Variants in UBA6 observed in about 807,000 individuals in gnomAD.
UBA6 encodes the protein ubiquitin like modifier activating enzyme 6, also known as ubiquitin-like modifier-activating enzyme 6.
A neutral mutation model predicts 148.3 loss-of-function variants in UBA6; 87 were observed. The ratio of observed to expected loss-of-function variants is 0.59; its 90% CI spans 0.49 to 0.70. UBA6 has a LOEUF of 0.70. Ranked by LOEUF, UBA6 falls within the 30% of genes least tolerant of loss-of-function variation. UBA6 has a pLI of 0.00. For missense variants in UBA6, 1,186 were observed against 1,241.2 expected, an observed-to-expected ratio of 0.96 and a Z score of 0.67; for synonymous variants, 376 against 401.0, an observed-to-expected ratio of 0.94 and a Z score of 0.75.
intron 13 of UBA6, among the ~76,000 whole-genome samples, chr4:67,656,106 G>C (rs1729683548): frequency 6.6e-6 from 1 of 152,074 alleles, no homozygotes; most frequent in African/African-American, 2.4e-5. Flanking sequence ...TTCTACCAGA[G>C]GTACAAGGAG....
chr4:67,645,849 A>T, intron 16 of UBA6, 89 bp downstream of exon 16: 1 of 693,072 alleles, frequency 1.4e-6, no homozygotes, highest in Non-Finnish European at 2.4e-6. Flanking sequence ...CCTGTACTCT[A>T]CACACTTAGA....
chr4:67,646,119 C>G (rs1729416800), intron 15 of UBA6, 103 bp from the exon 16 acceptor site: 1 of 581,342 alleles, frequency 1.7e-6, no homozygotes, highest in African/African-American at 1.9e-5. Flanking sequence ...AGGAAATATT[C>G]TTTAAAAGTT....
chr4:67,674,551 G>T (rs1264549100), intron 6 of UBA6, among the ~76,000 whole-genome samples: 1 of 152,078 alleles, frequency 6.6e-6, no homozygotes, highest in African/African-American at 2.4e-5. Flanking sequence ...GGAAGAAAAT[G>T]CAATATATGC....
intron 28 of UBA6, among the ~76,000 whole-genome samples, chr4:67,625,831 G>A (rs1168473087): frequency 6.6e-6 from 1 of 151,812 alleles, no homozygotes; most frequent in Non-Finnish European, 1.5e-5. Flanking sequence ...TAAAAATTCA[G>A]TTTTCCTGTA....
intron 6 of UBA6, among the ~76,000 whole-genome samples, chr4:67,675,936 G>A (rs1730268367): frequency 6.6e-6 from 1 of 151,918 alleles, no homozygotes; most frequent in African/African-American, 2.4e-5. Flanking sequence ...TAACTTAGTT[G>A]AGGGTATATT....
Position 67,670,496 on chromosome 4 carries a change from C to T in UBA6, c.643G>A (p.Glu215Lys), listed in dbSNP as rs1730118110. 6.3e-7 allele frequency: 1 copy of T among 1,586,714 alleles called. No homozygotes were observed. The highest frequency in any genetic ancestry group is 8.6e-7 in the Non-Finnish European group (1 of 1,156,702). The change falls in exon 8 of 33, where the codon GAA (glutamate) becomes AAA (lysine). Residue 215 changes from glutamate (E) to lysine (K), a missense_variant. Physicochemically the swap from Glu to Lys is moderately conservative, Grantham distance 56 (BLOSUM62 1). Transcript: ENST00000322244. Reference sequence around the variant, plus strand: ...TGCGTTATGTTTGAAATGAAAATTTCTTTTGGTTCTTCTCCTGTTGTATCT... The same window carrying T: ...TGCGTTATGTTTGAAATGAAAATTTTTTTTGGTTCTTCTCCTGTTGTATCT... ...VLDTTGEEPKEIFISNITQAN... is the reference protein window; with the variant it reads ...VLDTTGEEPKKIFISNITQAN...
rs192924793 is a variant in UBA6, at chr4:67,683,335, A to G, written c.135-1122T>C. ...AGTGTCTTTTATCTTGTTTCTTTTG[A>G]ATGAAATTATTTATGAGATGGACTT... On this transcript the variant is annotated intron_variant, in intron 2 of 32. Coordinates refer to ENST00000322244, the MANE Select transcript of UBA6 (RefSeq NM_018227.6). Among the ~76,000 whole-genome samples the G allele has an allele frequency of 6.5e-3, 993 of 152,238 alleles. 5 individuals carry two copies. The highest frequency in any genetic ancestry group is 0.011 in the Non-Finnish European group (717 of 68,014).
chr4:67,662,436 C>T (rs1729883851), intron 12 of UBA6, 181 bp from the exon 13 acceptor site: 1 of 501,992 alleles, frequency 2.0e-6, no homozygotes, highest in South Asian at 3.8e-5. Flanking sequence ...TTCAAAATCA[C>T]ACTTATATCA....
intron 10 of UBA6, 71 bp downstream of exon 10, chr4:67,665,118 T>A: frequency 1.2e-6 from 1 of 814,266 alleles, no homozygotes; most frequent in Non-Finnish European, 1.9e-6. Flanking sequence ...GTTAACTGAG[T>A]AGTTATTTGT....
chr4:67,626,185 T>C (rs1228657516), intron 28 of UBA6, among the ~76,000 whole-genome samples, 175 bp downstream of exon 28: 2 of 151,982 alleles, frequency 1.3e-5, no homozygotes, highest in East Asian at 1.9e-4. Context: ...GTGGGGAAGA[T>C]GATGAATTTA....
At chr4:67,637,125 C>T (rs1307909926) in intron 19 of UBA6, among the ~76,000 whole-genome samples, 5 of 151,812 alleles carry the variant, frequency 3.3e-5, no homozygotes, top group South Asian at 2.1e-4. Flanking sequence ...GCAGCCACCC[C>T]GTCTGGGAAG....
chr4:67,642,239 C>T (rs1205210080), intron 17 of UBA6, among the ~76,000 whole-genome samples: 1 of 152,108 alleles, frequency 6.6e-6, no homozygotes, highest in Non-Finnish European at 1.5e-5. Flanking sequence ...CTGCCCCCAA[C>T]TCCCCAAACT....
chr4:67,674,889 C>T (rs1213740671), intron 6 of UBA6, among the ~76,000 whole-genome samples: 2 of 151,526 alleles, frequency 1.3e-5, no homozygotes, highest in Non-Finnish European at 2.9e-5. Flanking sequence ...TTTTGAGACA[C>T]AGTCTCACTC....
chr4:67,631,563 A>T (rs1481524640), intron 25 of UBA6, 145 bp downstream of exon 25: 1 of 609,286 alleles, frequency 1.6e-6, no homozygotes, highest in Non-Finnish European at 2.7e-6. Context: ...CTTGGTCAGA[A>T]TGACTTGTTA....
At chr4:67,642,490 A>G (rs1054791225) in intron 17 of UBA6, among the ~76,000 whole-genome samples, 14 of 152,076 alleles carry the variant, frequency 9.2e-5, no homozygotes, top group African/African-American at 3.4e-4. Context: ...AATGCTGACA[A>G]ATGCCTCTAT....
At chr4:67,624,077 T>C (rs2109894587) in intron 30 of UBA6, 49 bp downstream of exon 30, 1 of 1,427,530 alleles carries the variant, frequency 7.0e-7, no homozygotes, top group Non-Finnish European at 9.3e-7. Context: ...AAAGGTAAAA[T>C]ATTTTATTTC....
intron 23 of UBA6, 88 bp downstream of exon 23, chr4:67,633,256 TA>T: frequency 8.7e-7 from 1 of 1,155,678 alleles, no homozygotes; most frequent in Non-Finnish European, 1.2e-6. Flanking sequence ...AAAGAAAGAA[TA>T]CACATTTCAG....
chr4:67,641,455 G>C (rs1187638117), intron 17 of UBA6, among the ~76,000 whole-genome samples: 2 of 151,992 alleles, frequency 1.3e-5, no homozygotes, highest in African/African-American at 4.8e-5. Flanking sequence ...AAATAGCTGA[G>C]GCCAATTGCA....
chr4:67,649,095 T>C lies in UBA6; in HGVS notation c.1221A>G (p.Thr407=), dbSNP rs1729491416. Residue 407 remains threonine (T), a synonymous_variant, in exon 14 of 33, where the codon ACA becomes ACG. Coordinates refer to ENST00000322244, the MANE Select transcript of UBA6 (RefSeq NM_018227.6). The stretch of plus-strand genomic sequence containing the variant: ...ACTGGCACAAAGGAGAAAATTTTCC[T>C]GTTACAGCTTTCAATACTTCTTGGC... ...VASQEVLKAV[T]GKFSPLCQWL... The C allele has an allele frequency of 1.2e-6, 2 of 1,613,668 alleles. No homozygotes were observed. The highest frequency in any genetic ancestry group is 1.3e-5 in the African/African-American group (1 of 74,920).
Sources: allele counts gnomAD v4.1 joint callset (sites outside exome capture counted in the v4.1 genomes callset), GRCh38; gene constraint gnomAD v4.1.1; transcripts MANE v1.5; gene names NCBI Gene and HGNC (gene_info 2026-07-23, HGNC 2026-07-21).